The following GLI2 variants were observed in gnomAD, a reference collection of about 807,000 sequenced individuals.
GLI2 encodes transcription activator GLI2.
GLI2 carries 22 observed loss-of-function variants against 78.9 expected under a neutral mutation model. The ratio of observed to expected loss-of-function variants is 0.28; its 90% CI spans 0.20 to 0.40. The LOEUF (loss-of-function observed/expected upper bound fraction) is 0.40, where lower values mean the gene tolerates loss of function less well. GLI2 is among the 10% of genes least tolerant of loss of function. The pLI is 1.00. For synonymous variants in GLI2, 974 were observed against 963.7 expected, an observed-to-expected ratio of 1.01 and a Z score of -0.20; for missense variants, 2,097 against 2,213.2, an observed-to-expected ratio of 0.95 and a Z score of 1.05.
At chr2:120,892,149 C>T (rs552052179) in intron 2 of GLI2, among the ~76,000 whole-genome samples, 1 of 152,312 alleles carries the variant, frequency 6.6e-6, no homozygotes, top group South Asian at 2.1e-4. Context: ...CCCCGTCAGC[C>T]AGGGAAGGGA....
Position 120,940,407 on chromosome 2 carries a change from A to T in GLI2, c.255-10836A>T, listed in dbSNP as rs532440297. 8.7e-4 allele frequency among the ~76,000 whole-genome samples: 132 copies of T among 152,168 alleles called. 1 individual carries two copies. The highest frequency in any genetic ancestry group is 3.1e-3 in the African/African-American group (129 of 41,488). On this transcript the variant is annotated intron_variant, in intron 3 of 13. Transcript: ENST00000361492. Reference sequence around the variant, plus strand: ...CAATACAACATGTCCTTATTCAGCTATTCTCCCATCTCAGAACACCAGGCC... The same window carrying T: ...CAATACAACATGTCCTTATTCAGCTTTTCTCCCATCTCAGAACACCAGGCC...
chr2:120,786,996 A>G (rs1161681230), intron 1 of GLI2, among the ~76,000 whole-genome samples: 2 of 152,212 alleles, frequency 1.3e-5, no homozygotes, highest in Non-Finnish European at 2.9e-5. Flanking sequence ...GTCAACAAAC[A>G]TTGATGGTGT....
Position 120,974,964 on chromosome 2 carries a change from C to T in GLI2, c.1183-11C>T. 1 of 1,614,240 alleles carries T rather than the reference C, an allele frequency of 6.2e-7. No individual in the cohort carries two copies. The highest frequency in any genetic ancestry group is 8.5e-7 in the Non-Finnish European group (1 of 1,180,048). On this transcript the variant is annotated splice_polypyrimidine_tract_variant and intron_variant, in intron 8 of 13. Coordinates refer to ENST00000361492, the MANE Select transcript of GLI2 (RefSeq NM_001374353.1). ...CACGGCTCATGTGGGTGTGCCCTTC[C>T]CCTCTCCCAGGAGCAGCTGGCTGAC...
chr2:120,862,115 A>G (rs1318344153), intron 2 of GLI2, among the ~76,000 whole-genome samples: 1 of 152,162 alleles, frequency 6.6e-6, no homozygotes, highest in Admixed American at 6.5e-5. Context: ...CCGCTTTGGC[A>G]GGCAAGGCTT....
intron 2 of GLI2, among the ~76,000 whole-genome samples, chr2:120,851,181 A>C (rs969987078): frequency 6.6e-6 from 1 of 152,188 alleles, no homozygotes; most frequent in African/African-American, 2.4e-5. Flanking sequence ...AAGAACTTGC[A>C]TGGGCCCCAG....
intron 1 of GLI2, among the ~76,000 whole-genome samples, chr2:120,780,403 A>C (rs1222127922): frequency 6.6e-6 from 1 of 152,220 alleles, no homozygotes; most frequent in Non-Finnish European, 1.5e-5. Flanking sequence ...ACCCTTGCCC[A>C]GTGTGAAAGG....
rs559956951 is a variant in GLI2 at position 120,898,386 on chromosome 2, C to T, written c.149-28975C>T. 1.1e-4 allele frequency among the ~76,000 whole-genome samples: 17 copies of T among 152,254 alleles called. No homozygotes were observed. The East Asian group carries it at 2.5e-3, about 22-fold the overall frequency. On this transcript the variant is annotated intron_variant, in intron 2 of 13. Coordinates refer to ENST00000361492, the MANE Select transcript of GLI2 (RefSeq NM_001374353.1). ...ATTAAGCTTTTAAAATTGGAGCACTCGCAGAAGGAAATGCAAATGGATGTG... is the reference window on the plus strand; with the variant it reads ...ATTAAGCTTTTAAAATTGGAGCACTTGCAGAAGGAAATGCAAATGGATGTG...
At chr2:120,943,390 G>A (rs139586034) in intron 3 of GLI2, among the ~76,000 whole-genome samples, 5,337 of 152,344 alleles carry the variant, frequency 0.035, 114 homozygotes, top group Middle Eastern at 0.065. Context: ...ACAGGACACA[G>A]AGGGGAGAGG....
At chr2:120,986,742 G>A in intron 13 of GLI2, 128 bp downstream of exon 13, 1 of 739,750 alleles carries the variant, frequency 1.4e-6, no homozygotes, top group Non-Finnish European at 2.2e-6. Flanking sequence ...GCCCAGTACA[G>A]AAAAGGAAAC....
At chr2:120,826,889 G>T (rs970106328) in intron 2 of GLI2, among the ~76,000 whole-genome samples, 9 of 152,136 alleles carry the variant, frequency 5.9e-5, no homozygotes, top group African/African-American at 1.9e-4. Flanking sequence ...CCCTTCAAAT[G>T]CTGGCACATT....
chr2:120,963,227 A>G (rs1681670319), intron 5 of GLI2, among the ~76,000 whole-genome samples: 1 of 152,170 alleles, frequency 6.6e-6, no homozygotes. Flanking sequence ...ATTCATTAGC[A>G]ATTTCATTTT....
intron 2 of GLI2, among the ~76,000 whole-genome samples, chr2:120,804,561 G>T (rs966386303): frequency 3.4e-5 from 5 of 146,690 alleles, no homozygotes; most frequent in African/African-American, 1.3e-4. Flanking sequence ...TCTCTGCTGG[G>T]GCCACACACT....
chr2:120,988,135 C>A (rs1683067422), intron 13 of GLI2, 73 bp from the exon 14 acceptor site: 4 of 1,362,308 alleles, frequency 2.9e-6, no homozygotes, highest in Non-Finnish European at 4.0e-6. Flanking sequence ...AGGCCCAGTG[C>A]GATGACTGAG....
intron 2 of GLI2, among the ~76,000 whole-genome samples, chr2:120,841,890 A>G (rs377682962): frequency 1.3e-3 from 122 of 91,956 alleles, no homozygotes; most frequent in Middle Eastern, 7.4e-3. Context: ...TGTGTGTGTG[A>G]TGCTGGGCTC....
rs567008369 is a variant in GLI2, at chr2:120,887,369, G to T, written c.149-39992G>T. The stretch of plus-strand genomic sequence containing the variant: ...TTAGATCAATTCCAGCCGGAGCCTG[G>T]AGCCTGTGATTATCACCCTCTCACC... On this transcript the variant is annotated intron_variant, in intron 2 of 13. Transcript: ENST00000361492. 4.3e-4 allele frequency among the ~76,000 whole-genome samples: 65 copies of T among 152,358 alleles called. 1 individual carries two copies. In the Middle Eastern group the frequency reaches 0.02, roughly 48 times the overall value.
In GLI2 at chr2:120,989,082, G is replaced by A. The variant is rs769291089; in HGVS notation, c.3117G>A (p.Pro1039=). 3 of 1,611,786 alleles carry A rather than the reference G, an allele frequency of 1.9e-6. No individual in the cohort carries two copies. Among genetic ancestry groups the A allele is most frequent in the African/African-American group, 2.7e-5 (2 of 74,920 alleles). Residue 1039 remains proline, a synonymous_variant, in exon 14 of 14, where the codon CCG becomes CCA. Coordinates refer to ENST00000361492, the MANE Select transcript of GLI2 (RefSeq NM_001374353.1). The part of the protein sequence containing the change: ...GAGPEADLGL[P]EDDLVLPDDV... ...GGCCCGAGGCCGACCTGGGGCTGCC[G>A]GAGGACGACCTGGTGCTTCCAGACG...
chr2:120,886,216 A>T (rs13423977), intron 2 of GLI2, among the ~76,000 whole-genome samples: 1 of 57,822 alleles, frequency 1.7e-5, no homozygotes, highest in South Asian at 8.9e-4. Flanking sequence ...GTGTGCGTGT[A>T]TATTTTGGTT....
chr2:120,972,120 C>T, intron 8 of GLI2, 57 bp downstream of exon 8: 1 of 1,599,284 alleles, frequency 6.3e-7, no homozygotes, highest in Non-Finnish European at 8.6e-7. Context: ...TTGTGGGCTG[C>T]CTTGGGGCTG....
At chr2:120,842,158 C>G (rs1238286493) in intron 2 of GLI2, among the ~76,000 whole-genome samples, 2 of 151,680 alleles carry the variant, frequency 1.3e-5, no homozygotes, top group African/African-American at 2.4e-5. Flanking sequence ...TGAAAAATCT[C>G]CCTCTCAGCC....
Sources: allele counts gnomAD v4.1 joint callset (sites outside exome capture counted in the v4.1 genomes callset), GRCh38; gene constraint gnomAD v4.1.1; transcripts MANE v1.5; gene names NCBI Gene and HGNC (gene_info 2026-07-23, HGNC 2026-07-21).